Variants in TRIO observed in about 807,000 individuals in gnomAD.
TRIO encodes the protein triple functional domain protein.
In TRIO, 58 loss-of-function variants were observed where a neutral mutation model predicts 351.9. The ratio of observed to expected loss-of-function variants is 0.16; its 90% CI spans 0.13 to 0.21. The LOEUF (loss-of-function observed/expected upper bound fraction) is 0.21, where lower values mean the gene tolerates loss of function less well. Ranked by LOEUF, TRIO falls within the 10% of genes least tolerant of loss-of-function variation. The pLI is 1.00. For missense variants in TRIO, 3,201 were observed against 4,027.8 expected, an observed-to-expected ratio of 0.79 and a Z score of 5.56; for synonymous variants, 1,758 against 1,595.7, an observed-to-expected ratio of 1.10 and a Z score of -2.42.
chr5:14,256,498 G>A (rs1795028638), intron 1 of TRIO, among the ~76,000 whole-genome samples: 1 of 152,252 alleles, frequency 6.6e-6, no homozygotes, highest in African/African-American at 2.4e-5. Flanking sequence ...GGCTTCTAGG[G>A]GAGTGTCAGT....
Position 14,426,793 on chromosome 5 carries a change from G to C in TRIO, c.5203+6772G>C, listed in dbSNP as rs560771020. Among the ~76,000 whole-genome samples, 7 of 152,300 alleles carry C rather than the reference G, an allele frequency of 4.6e-5. No homozygotes were observed. The South Asian group carries it at 1.4e-3, about 32-fold the overall frequency. ...TAAACATGGCAGAACTGCTCAGTGGGAGACTCTCAGCACAGACGGTCATGG... is the reference window on the plus strand; with the variant it reads ...TAAACATGGCAGAACTGCTCAGTGGCAGACTCTCAGCACAGACGGTCATGG... On this transcript the variant is annotated intron_variant, in intron 34 of 56. Transcript: ENST00000344204.
At chr5:14,176,958 T>G (rs1789442703) in intron 1 of TRIO, among the ~76,000 whole-genome samples, 1 of 152,260 alleles carries the variant, frequency 6.6e-6, no homozygotes, top group South Asian at 2.1e-4. Flanking sequence ...AGATTCATTT[T>G]AGAAATGAAA....
At chr5:14,298,868 A>G (rs1737610593) in intron 7 of TRIO, among the ~76,000 whole-genome samples, 1 of 152,228 alleles carries the variant, frequency 6.6e-6, no homozygotes, top group African/African-American at 2.4e-5. Context: ...AGTAACAGGA[A>G]CTGCTTCAGC....
Position 14,394,034 on chromosome 5 carries a change from A to G in TRIO, c.4219-4A>G. On this transcript the variant is annotated splice_polypyrimidine_tract_variant and splice_region_variant and intron_variant, in intron 27 of 56. Coordinates refer to ENST00000344204, the MANE Select transcript of TRIO (RefSeq NM_007118.4). ...CTCTTGTTTCTTGTTTGGTTTTAAT[A>G]CAGGAGATACAGCAGCGACATGGAT... 1 of 1,608,532 alleles carries G rather than the reference A, an allele frequency of 6.2e-7. No homozygotes were observed.
intron 35 of TRIO, 45 bp downstream of exon 35, chr5:14,461,356 T>A: frequency 6.8e-7 from 1 of 1,463,264 alleles, no homozygotes; most frequent in Non-Finnish European, 9.0e-7. Context: ...CGGGGCCCGC[T>A]GGGCTTTTGC....
intron 20 of TRIO, among the ~76,000 whole-genome samples, chr5:14,380,709 C>T (rs375289628): frequency 4.6e-5 from 7 of 152,138 alleles, no homozygotes; most frequent in African/African-American, 1.4e-4. Flanking sequence ...CCTAGCAATC[C>T]CATTATTGGG....
At chr5:14,211,174 A>C (rs993596305) in intron 1 of TRIO, among the ~76,000 whole-genome samples, 1 of 152,262 alleles carries the variant, frequency 6.6e-6, no homozygotes, top group Non-Finnish European at 1.5e-5. Context: ...TCAACGATTC[A>C]TATATTTAAC....
intron 1 of TRIO, among the ~76,000 whole-genome samples, chr5:14,230,832 G>A (rs1450229170): frequency 1.3e-5 from 2 of 152,192 alleles, no homozygotes; most frequent in African/African-American, 4.8e-5. Flanking sequence ...CACTGGAAAT[G>A]TGTAGTGTAC....
intron 55 of TRIO, among the ~76,000 whole-genome samples, chr5:14,506,141 A>G (rs6895967): frequency 0.024 from 3,695 of 152,230 alleles, 140 homozygotes; most frequent in African/African-American, 0.075. Flanking sequence ...GCCACTGCTC[A>G]CCTTCCCTGG....
chr5:14,187,145 GTC>G, intron 1 of TRIO, among the ~76,000 whole-genome samples: 1 of 152,160 alleles, frequency 6.6e-6, no homozygotes, highest in East Asian at 1.9e-4. Flanking sequence ...GTCGGTTCTG[GTC>G]TCTCTTACGT....
chr5:14,458,730 AAATT>A (rs563447299), intron 34 of TRIO, among the ~76,000 whole-genome samples: 61 of 152,220 alleles, frequency 4.0e-4, no homozygotes, highest in Non-Finnish European at 7.9e-4. Flanking sequence ...TTCGTTGAAT[AAATT>A]GTCATCTGAC....
intron 34 of TRIO, chr5:14,420,325 A>G (rs1750014185): frequency 3.0e-6 from 1 of 329,238 alleles, no homozygotes; most frequent in Non-Finnish European, 5.7e-6. Flanking sequence ...TTCCTTTATC[A>G]TCTGTGCCTT....
intron 10 of TRIO, among the ~76,000 whole-genome samples, chr5:14,331,363 G>A (rs1235744853): frequency 6.6e-6 from 1 of 152,178 alleles, no homozygotes; most frequent in Admixed American, 6.5e-5. Context: ...CTTTGGACAA[G>A]TCGCTTAACC....
chr5:14,378,973 A>G (rs530466770), intron 20 of TRIO, among the ~76,000 whole-genome samples: 1 of 152,194 alleles, frequency 6.6e-6, no homozygotes, highest in Non-Finnish European at 1.5e-5. Context: ...CTGTATCATC[A>G]GTCATGGACG....
In TRIO at chr5:14,314,890, GT is replaced by G. The variant is rs900991451; in HGVS notation, c.1501-1618del. On this transcript the variant is annotated intron_variant, in intron 8 of 56. Transcript: ENST00000344204. The stretch of plus-strand genomic sequence containing the variant: ...ACTAATTCAGCAGTTAACTTGGTTG[GT>G]TTTTCCTTTATTATCTTTGGTTATG... 2.6e-4 allele frequency among the ~76,000 whole-genome samples: 40 copies of G among 152,244 alleles called. 1 individual carries two copies. Among genetic ancestry groups the G allele is most frequent in the African/African-American group, 9.6e-4 (40 of 41,538 alleles).
intron 11 of TRIO, among the ~76,000 whole-genome samples, chr5:14,356,972 T>C (rs1055469775): frequency 1.3e-5 from 2 of 152,084 alleles, no homozygotes; most frequent in Admixed American, 1.3e-4. Flanking sequence ...GGAGGGAGCA[T>C]GACAGAGGGC....
rs531614117 is a variant in TRIO, at chr5:14,211,406, G to A, written c.158-59419G>A. 1.3e-4 allele frequency among the ~76,000 whole-genome samples: 20 copies of A among 152,238 alleles called. No individual in the cohort carries two copies. In the South Asian group the frequency reaches 3.9e-3, roughly 30 times the overall value. On this transcript the variant is annotated intron_variant, in intron 1 of 56. Coordinates refer to ENST00000344204, the MANE Select transcript of TRIO (RefSeq NM_007118.4). ...TTTAAATGGCTTGCTAACTTTAAATGGACTGACATAAGCAGTCATTACTAT... is the reference window on the plus strand; with the variant it reads ...TTTAAATGGCTTGCTAACTTTAAATAGACTGACATAAGCAGTCATTACTAT...
rs73063521 is a variant in TRIO, at chr5:14,487,249, G to C, written c.6836-215G>C. On this transcript the variant is annotated intron_variant, in intron 47 of 56. Transcript: ENST00000344204. ...TGGCCCTTAGTCCGGGATGTGCTGA[G>C]GAATGCGGCCCCTTCCACCCGCTGC... Among the ~76,000 whole-genome samples, 1,978 of 152,170 alleles carry C rather than the reference G, an allele frequency of 0.013. 45 individuals carry two copies. The highest frequency in any genetic ancestry group is 0.045 in the African/African-American group (1,866 of 41,526).
chr5:14,497,745 GT>G lies in TRIO; in HGVS notation c.8020-99del. On this transcript the variant is annotated intron_variant, in intron 50 of 56. Coordinates refer to ENST00000344204, the MANE Select transcript of TRIO (RefSeq NM_007118.4). The surrounding 1 kb of genome is among the most constrained non-coding windows in gnomAD (Gnocchi z 4.4). ...TTTTGATTGATGCCCAGGCAAGTCA[GT>G]TTCTGCAAATCTTTCAACAATAATT... 1 of 1,499,954 alleles carries G rather than the reference GT, an allele frequency of 6.7e-7. No homozygotes were observed. Among genetic ancestry groups the G allele is most frequent in the Non-Finnish European group, 9.3e-7 (1 of 1,078,196 alleles). 92.9% of individuals were successfully genotyped at this position (1,499,954 alleles called of 1,614,324 possible).
Sources: gnomAD v4.1 joint callset for allele counts (sites outside exome capture counted in the v4.1 genomes callset) on GRCh38, gnomAD v4.1.1 for gene constraint, Gnocchi (gnomAD v3.1) non-coding constraint, MANE v1.5 for transcripts, NCBI Gene and HGNC (gene_info 2026-07-23, HGNC 2026-07-21) for gene names.